The following KRIT1 variants were observed in gnomAD, a reference collection of about 807,000 sequenced individuals.
The protein encoded by KRIT1 is KRIT1 ankyrin repeat containing.
In KRIT1, 45 loss-of-function variants were observed where a neutral mutation model predicts 95.8. The ratio of observed to expected loss-of-function variants is 0.47; its 90% CI spans 0.37 to 0.60. The LOEUF (loss-of-function observed/expected upper bound fraction) is 0.60, where lower values mean the gene tolerates loss of function less well. Ranked by LOEUF, KRIT1 falls within the 20% of genes least tolerant of loss-of-function variation. The pLI, the probability that KRIT1 is intolerant of heterozygous loss-of-function variation, is 0.00. For missense variants in KRIT1, 788 were observed against 877.5 expected (o/e 0.90, Z 1.29); for synonymous variants, 282 against 278.8 (o/e 1.01, Z -0.11).
chr7:92,231,521 G>A (rs1797281407), intron 10 of KRIT1, among the ~76,000 whole-genome samples: 1 of 152,126 alleles, frequency 6.6e-6, no homozygotes, highest in South Asian at 2.1e-4. Context: ...TTTTAAAGGT[G>A]AGAAATGAGA....
At chr7:92,215,946 G>A (rs1340086198) in intron 14 of KRIT1, among the ~76,000 whole-genome samples, 1 of 151,698 alleles carries the variant, frequency 6.6e-6, no homozygotes, top group Non-Finnish European at 1.5e-5. Flanking sequence ...AATGATTTTT[G>A]CGGCCAGGCA....
intron 10 of KRIT1, among the ~76,000 whole-genome samples, chr7:92,233,425 T>C (rs990717783): frequency 6.6e-6 from 1 of 151,332 alleles, no homozygotes; most frequent in Non-Finnish European, 1.5e-5. Flanking sequence ...TTTTTTTTTT[T>C]GAAATGGAAT....
upstream of KRIT1, chr7:92,246,058 A>C (rs1800947362): frequency 3.6e-6 from 1 of 278,296 alleles, no homozygotes; most frequent in East Asian, 1.7e-4. Context: ...CGACTAGGAG[A>C]CTAGGGTGGT....
intron 10 of KRIT1, among the ~76,000 whole-genome samples, chr7:92,227,344 C>T (rs1200625879): frequency 6.6e-6 from 1 of 152,152 alleles, no homozygotes; most frequent in Non-Finnish European, 1.5e-5. Context: ...GCAGGCGGAT[C>T]ACAAGGTCAG....
chr7:92,230,187 C>A (rs990345203), intron 10 of KRIT1, among the ~76,000 whole-genome samples: 1 of 151,956 alleles, frequency 6.6e-6, no homozygotes, highest in Non-Finnish European at 1.5e-5. Flanking sequence ...GGCAGAGGTA[C>A]TTTTTTATTG....
At chr7:92,227,113 C>T (rs1380088504) in intron 10 of KRIT1, among the ~76,000 whole-genome samples, 1 of 152,208 alleles carries the variant, frequency 6.6e-6, no homozygotes, top group African/African-American at 2.4e-5. Context: ...ATTCTATACA[C>T]AGTTGCTATA....
At chr7:92,217,413 T>C (rs1794213434) in intron 14 of KRIT1, among the ~76,000 whole-genome samples, 1 of 152,216 alleles carries the variant, frequency 6.6e-6, no homozygotes, top group South Asian at 2.1e-4. Flanking sequence ...TTCTGCTAAC[T>C]GGTAAGAACT....
intron 10 of KRIT1, among the ~76,000 whole-genome samples, chr7:92,229,159 T>C (rs549430750): frequency 6.6e-6 from 1 of 152,310 alleles, no homozygotes; most frequent in African/African-American, 2.4e-5. Context: ...CTTTGAGGAA[T>C]TGCCATACTG....
At chr7:92,205,439 G>A (rs1791250540) in intron 17 of KRIT1, among the ~76,000 whole-genome samples, 1 of 152,150 alleles carries the variant, frequency 6.6e-6, no homozygotes, top group Non-Finnish European at 1.5e-5. Context: ...TTTTAAAAAT[G>A]CATAAGCTTC....
chr7:92,223,066 A>G (rs1795463530), intron 12 of KRIT1, 88 bp from the exon 13 acceptor site: 1 of 803,616 alleles, frequency 1.2e-6, no homozygotes, highest in Admixed American at 2.1e-5. Context: ...CATGTGCTTT[A>G]TTATAGATTT....
intron 4 of KRIT1, 64 bp from the exon 5 acceptor site, chr7:92,241,216 A>G (rs1799564090): frequency 8.4e-7 from 1 of 1,189,264 alleles, no homozygotes. Flanking sequence ...GAATACTACA[A>G]TAAGCTAGCA....
chr7:92,243,218 G>C (rs139828456), intron 3 of KRIT1, among the ~76,000 whole-genome samples: 154 of 152,210 alleles, frequency 1.0e-3, no homozygotes, highest in Non-Finnish European at 1.5e-3. Context: ...TCTCCATTGC[G>C]CAATTTCCAA....
chr7:92,208,140 A>C (rs1195938904), intron 17 of KRIT1, among the ~76,000 whole-genome samples: 1 of 152,148 alleles, frequency 6.6e-6, no homozygotes, highest in Non-Finnish European at 1.5e-5. Flanking sequence ...GAAGGAAATA[A>C]AAAAATTTCT....
At chr7:92,244,608 C>T (rs942338766) in intron 2 of KRIT1, among the ~76,000 whole-genome samples, 4 of 152,060 alleles carry the variant, frequency 2.6e-5, no homozygotes, top group Non-Finnish European at 5.9e-5. Context: ...AGGAAAATAA[C>T]AAAAGTAACT....
In KRIT1 at chr7:92,225,857, A is replaced by G. The variant is rs769771399; in HGVS notation, c.1147-30T>C. 4 of 1,122,044 alleles carry G rather than the reference A, an allele frequency of 3.6e-6. No individual in the cohort carries two copies. The East Asian group carries it at 7.0e-5, about 20-fold the overall frequency. The allele number at this position is 1,122,044 out of a possible 1,614,324, so 69.5% of individuals were successfully genotyped here. On this transcript the variant is annotated intron_variant, in intron 11 of 18. Coordinates refer to ENST00000394505, the MANE Select transcript of KRIT1 (RefSeq NM_194454.3). ...AAATGTGGGTGGGGAGGGGGAAAAA[A>G]GGCATTACATATTATGGTATTCTAA... is the stretch of plus-strand genomic sequence containing the variant.
At chr7:92,212,734 C>T (rs535539348) in intron 17 of KRIT1, among the ~76,000 whole-genome samples, 1 of 152,248 alleles carries the variant, frequency 6.6e-6, no homozygotes, top group Admixed American at 6.5e-5. Flanking sequence ...GTTATAGTGG[C>T]CTGAACTAGA....
chr7:92,215,704 C>T (rs1563248162), intron 14 of KRIT1, among the ~76,000 whole-genome samples: 1 of 151,802 alleles, frequency 6.6e-6, no homozygotes, highest in East Asian at 1.9e-4. Flanking sequence ...AGTCCTCTCA[C>T]CTTGGCCTCC....
Position 92,214,813 on chromosome 7 carries a change from C to T in KRIT1, c.1564-36G>A, listed in dbSNP as rs563247706. On this transcript the variant is annotated intron_variant, in intron 14 of 18. Transcript: ENST00000394505. ...AAAGTATAATTTGGTTATTAGGCTA[C>T]AATTTCTTTTTACAAATGAACAACT... 4.1e-5 allele frequency: 58 copies of T among 1,422,352 alleles called. No individual in the cohort carries two copies. The African/African-American group carries it at 6.5e-4, about 16-fold the overall frequency. The allele number at this position is 1,422,352 out of a possible 1,614,324, so 88.1% of individuals were successfully genotyped here.
At chr7:92,242,916 C>T (rs1266686685) in intron 3 of KRIT1, among the ~76,000 whole-genome samples, 2 of 152,140 alleles carry the variant, frequency 1.3e-5, no homozygotes, top group African/African-American at 4.8e-5. Context: ...CGGGTTCAGG[C>T]GATTCTCCCT....
Sources: allele counts gnomAD v4.1 joint callset (sites outside exome capture counted in the v4.1 genomes callset), GRCh38; gene constraint gnomAD v4.1.1; transcripts MANE v1.5; gene names NCBI Gene and HGNC (gene_info 2026-07-23, HGNC 2026-07-21).